Variants in ZNF398 observed in about 807,000 individuals in gnomAD.
ZNF398 encodes zinc finger protein 398, also known as zinc finger DNA binding protein ZER6.
Under a neutral mutation model 41.9 loss-of-function variants are expected in ZNF398, and 18 were observed. The observed-to-expected ratio is 0.43, with a 90% CI of 0.30 to 0.64. ZNF398 has a LOEUF of 0.64. Ranked by LOEUF, ZNF398 falls within the 30% of genes least tolerant of loss-of-function variation. ZNF398 has a pLI of 0.14. For synonymous variants in ZNF398, 260 were observed against 308.8 expected (o/e 0.84, Z 1.66); for missense variants, 669 against 822.8 (o/e 0.81, Z 2.29).
chr7:149,164,601 C>T (rs1795187635), intron 2 of ZNF398, among the ~76,000 whole-genome samples: 1 of 151,976 alleles, frequency 6.6e-6, no homozygotes, highest in South Asian at 2.1e-4. Flanking sequence ...ATTCTGAGAC[C>T]AGCTATTGAA....
At chr7:149,140,783 G>C (rs1305812072) in intron 2 of ZNF398, among the ~76,000 whole-genome samples, 1 of 151,980 alleles carries the variant, frequency 6.6e-6, no homozygotes, top group Admixed American at 6.6e-5. Context: ...CTCACACCAG[G>C]AATCCCAGCA....
At chr7:149,161,370 A>G (rs1795101373) in intron 2 of ZNF398, among the ~76,000 whole-genome samples, 1 of 152,164 alleles carries the variant, frequency 6.6e-6, no homozygotes, top group Non-Finnish European at 1.5e-5. Context: ...CCTGGGCAAC[A>G]TAGCCAGACC....
In ZNF398 at chr7:149,182,149, C is replaced by G. The variant is rs931949727; in HGVS notation, c.*2348C>G. The G allele has an allele frequency of 6.6e-6, 1 of 152,134 alleles. No individual in the cohort carries two copies. Among genetic ancestry groups the G allele is most frequent in the Non-Finnish European group, 1.5e-5 (1 of 68,012 alleles). 9.4% of individuals were successfully genotyped at this position (152,134 alleles called of 1,614,324 possible). On this transcript the variant is annotated 3_prime_UTR_variant, in exon 6 of 6. Transcript: ENST00000475153. ...GATTGAAATGGCTGCAGATAGATCCCGCAGTCCCTTCTGAAAGGAACTGTG... is the reference window on the plus strand; with the variant it reads ...GATTGAAATGGCTGCAGATAGATCCGGCAGTCCCTTCTGAAAGGAACTGTG...
chr7:149,127,995 T>A (rs574727030), intron 1 of ZNF398, among the ~76,000 whole-genome samples: 1 of 152,324 alleles, frequency 6.6e-6, no homozygotes, highest in African/African-American at 2.4e-5. Flanking sequence ...TCATACAGTA[T>A]GATATAACCT....
At chr7:149,165,378 G>A (rs1304736352) in intron 2 of ZNF398, among the ~76,000 whole-genome samples, 1 of 152,222 alleles carries the variant, frequency 6.6e-6, no homozygotes, top group Non-Finnish European at 1.5e-5. Flanking sequence ...GAAATGTACA[G>A]TCAAGCTAAA....
upstream of ZNF398, among the ~76,000 whole-genome samples, chr7:149,143,201 G>GT (rs1349014489): frequency 2.6e-5 from 4 of 152,114 alleles, no homozygotes. Flanking sequence ...TTTTGAAACT[G>GT]TCTTGTTTTA....
At position 149,147,791 on chromosome 7, in the gene ZNF398, T is replaced by C. The variant is rs1344532530; in HGVS notation, c.24+25T>C. 2 of 1,389,424 alleles carry C rather than the reference T, an allele frequency of 1.4e-6. No homozygotes were observed. Among genetic ancestry groups the C allele is most frequent in the Non-Finnish European group, 1.9e-6 (2 of 1,069,074 alleles). 86.1% of individuals were successfully genotyped at this position (1,389,424 alleles called of 1,614,324 possible). On this transcript the variant is annotated intron_variant, in intron 1 of 5. Transcript: ENST00000475153. This position sits in a 1 kb window ranked among gnomAD's most constrained non-coding sequence, Gnocchi z 5.6. ...GGTAAGGGCGGCCGCGCGCGAGTGT[T>C]GTGAGCCCCCGAGACCCAGACCCCG...
At chr7:149,145,309 T>C (rs891530460), upstream of ZNF398, among the ~76,000 whole-genome samples, 3 of 152,152 alleles carry the variant, frequency 2.0e-5, no homozygotes, top group African/African-American at 7.2e-5. Context: ...CCCAACAGGG[T>C]TCACAAAAAT....
At chr7:149,158,475 C>T (rs1043299734) in intron 2 of ZNF398, among the ~76,000 whole-genome samples, 5 of 152,154 alleles carry the variant, frequency 3.3e-5, no homozygotes, top group African/African-American at 4.8e-5. Flanking sequence ...CATAGAGAAC[C>T]TTCTCCATAG....
intron 2 of ZNF398, among the ~76,000 whole-genome samples, chr7:149,160,884 A>G (rs930988325): frequency 5.3e-5 from 8 of 151,942 alleles, no homozygotes; most frequent in African/African-American, 2.4e-5. Context: ...TTTCTCAGTC[A>G]GGAGGCACTT....
intron 1 of ZNF398, among the ~76,000 whole-genome samples, chr7:149,152,412 C>G (rs1448573602): frequency 2.0e-5 from 3 of 151,604 alleles, no homozygotes; most frequent in Admixed American, 2.0e-4. Context: ...AGGCGCCCGC[C>G]ACCACGCCTG....
At chr7:149,178,337 C>T (rs953379225) in intron 5 of ZNF398, among the ~76,000 whole-genome samples, 10 of 152,156 alleles carry the variant, frequency 6.6e-5, no homozygotes, top group African/African-American at 2.4e-4. Flanking sequence ...CCTGTAATCC[C>T]AGCTACTCAG....
At chr7:149,169,650 C>T (rs1795290674) in intron 4 of ZNF398, among the ~76,000 whole-genome samples, 2 of 152,092 alleles carry the variant, frequency 1.3e-5, no homozygotes, top group Admixed American at 1.3e-4. Flanking sequence ...TGGGGGTTTG[C>T]CATGTTGCCC....
intron 1 of ZNF398, among the ~76,000 whole-genome samples, chr7:149,148,770 A>C (rs1319596088): frequency 6.6e-6 from 1 of 151,880 alleles, no homozygotes; most frequent in Non-Finnish European, 1.5e-5. Flanking sequence ...CCCAGGCCGC[A>C]TGCGGACTAG....
chr7:149,158,463 C>G (rs558039386), intron 2 of ZNF398, among the ~76,000 whole-genome samples: 28 of 152,280 alleles, frequency 1.8e-4, no homozygotes, highest in African/African-American at 6.5e-4. Flanking sequence ...GGAGCCGTTT[C>G]TCATAGAGAA....
chr7:149,154,269 G>A lies in ZNF398; in HGVS notation c.349G>A (p.Glu117Lys). The A allele has an allele frequency of 6.2e-7, 1 of 1,614,146 alleles. No individual in the cohort carries two copies. Among genetic ancestry groups the A allele is most frequent in the Non-Finnish European group, 8.5e-7 (1 of 1,180,022 alleles). The change falls in exon 2 of 6, where the codon GAG becomes AAG. Residue 117 changes from glutamate to lysine, a missense_variant. By Grantham distance (56) the Glu-to-Lys change is moderately conservative. Around this residue, in one of 3 missense-constraint regions of ZNF398, gnomAD observed 169 missense variants for 239.5 expected, o/e 0.71. Transcript: ENST00000475153. ...GLLQRRLENL[E>K]NLLRNRNFWI... ...GCTGCAGAGGCGGCTGGAGAACTTG[G>A]AGAACCTGCTGCGCAACAGGAACTT... is the stretch of plus-strand genomic sequence containing the variant.
At chr7:149,126,662 GT>G in intron 1 of ZNF398, 1 of 222,344 alleles carries the variant, frequency 4.5e-6, no homozygotes. Context: ...GAGGGTGAGA[GT>G]CCGGTGCTGT....
At chr7:149,137,154 A>C (rs1319711290) in intron 2 of ZNF398, among the ~76,000 whole-genome samples, 1 of 152,140 alleles carries the variant, frequency 6.6e-6, no homozygotes, top group African/African-American at 2.4e-5. Context: ...GGTGTGAGCC[A>C]CCATGCCCGG....
intron 2 of ZNF398, among the ~76,000 whole-genome samples, chr7:149,161,924 A>G (rs1448057064): frequency 6.6e-6 from 1 of 152,198 alleles, no homozygotes; most frequent in Middle Eastern, 3.2e-3. Flanking sequence ...AAGCTTTGCT[A>G]TAAACATACA....
Sources: allele counts gnomAD v4.1 joint callset (sites outside exome capture counted in the v4.1 genomes callset), GRCh38; gene constraint gnomAD v4.1.1; regional missense constraint gnomAD v4.1.1; non-coding constraint Gnocchi (gnomAD v3.1); transcripts MANE v1.5; gene names NCBI Gene and HGNC (gene_info 2026-07-23, HGNC 2026-07-21).